MCRS1: variants seen among roughly 807,000 people sequenced by gnomAD.
The protein encoded by MCRS1 is microspherule protein 1.
Under a neutral mutation model 62.9 loss-of-function variants are expected in MCRS1, and 22 were observed. The ratio of observed to expected loss-of-function variants is 0.35; its 90% CI spans 0.25 to 0.50. The LOEUF (loss-of-function observed/expected upper bound fraction) is 0.50, where lower values mean the gene tolerates loss of function less well. Ranked by LOEUF, MCRS1 falls within the 20% of genes least tolerant of loss-of-function variation. The pLI, the probability that MCRS1 is intolerant of heterozygous loss-of-function variation, is 0.98. For missense variants in MCRS1, 456 were observed against 601.1 expected (o/e 0.76, Z 2.52); for synonymous variants, 244 against 233.5 (o/e 1.04, Z -0.41).
chr12:49,566,055 T>A, intron 3 of MCRS1, 22 bp downstream of exon 3: 2 of 1,607,444 alleles, frequency 1.2e-6, no homozygotes, highest in African/African-American at 1.3e-5. Context: ...TCCCAGTTCC[T>A]GGCCCTCCGA....
chr12:49,565,608 G>A lies in MCRS1; in HGVS notation c.209C>T (p.Ser70Phe), dbSNP rs372270784. Reference sequence around the variant, plus strand: ...CCCACTGGCCCCCTTTGCCCGGGTAGAAGATTTTGCCAGGCTGCTCTCCAC... The same window carrying A: ...CCCACTGGCCCCCTTTGCCCGGGTAAAAGATTTTGCCAGGCTGCTCTCCAC... The part of the protein sequence containing the change: ...ELVESSLAKS[S>F]TRAKGASGVE... Residue 70 changes from serine (S) to phenylalanine (F), a missense_variant, in exon 4 of 15, where the codon TCT becomes TTT. Ser to Phe is a radical substitution (Grantham distance 155, BLOSUM62 -2). Around this residue, in one of 3 missense-constraint regions of MCRS1, gnomAD observed 393 missense variants for 523.5 expected, o/e 0.75. Transcript: ENST00000343810. 3 of 1,613,812 alleles carry A rather than the reference G, an allele frequency of 1.9e-6. No individual in the cohort carries two copies. Among genetic ancestry groups the A allele is most frequent in the Middle Eastern group, 1.6e-4 (1 of 6,080 alleles).
rs1200969616 is a variant in MCRS1, at chr12:49,564,808, G to C, written c.376C>G (p.Leu126Val). The C allele has an allele frequency of 1.9e-6, 3 of 1,614,026 alleles. No homozygotes were observed. Among genetic ancestry groups the C allele is most frequent in the Non-Finnish European group, 2.5e-6 (3 of 1,180,014 alleles). Residue 126 changes from leucine (L) to valine (V), a missense_variant, in exon 5 of 15, where the codon CTT (leucine) becomes GTT (valine). Leu to Val is a conservative substitution (Grantham distance 32). This residue lies in a region of MCRS1 where 393 missense variants were observed against 523.5 expected (regional missense o/e 0.75). Transcript: ENST00000343810. ...CGGCCCAGATCCTTGGTCACCTGAA[G>C]TGGCTGTTTACTCTTCTTCACACGC... ...TKRVKKSKQP[L>V]QVTKDLGRWK...
rs748065171 is a variant in MCRS1 at position 49,558,836 on chromosome 12, A to G, written c.1302+7T>C. 8.7e-6 allele frequency: 14 copies of G among 1,613,166 alleles called. No individual in the cohort carries two copies. The highest frequency in any genetic ancestry group is 1.0e-5 in the Non-Finnish European group (12 of 1,180,016). On this transcript the variant is annotated splice_region_variant and intron_variant, in intron 14 of 14. Transcript: ENST00000343810. ...ATCCTGGCCTTCCTGCCTCCTCCCCAGCTCACCTCCACCACAGAGTTGTTG... is the reference window on the plus strand; with the variant it reads ...ATCCTGGCCTTCCTGCCTCCTCCCCGGCTCACCTCCACCACAGAGTTGTTG...
intron 8 of MCRS1, among the ~76,000 whole-genome samples, chr12:49,560,883 C>T (rs1938730994): frequency 1.3e-5 from 2 of 152,334 alleles, no homozygotes; most frequent in East Asian, 1.9e-4. Flanking sequence ...AAAGTACGTG[C>T]TGGTGGGCGC....
At chr12:49,561,089 A>G (rs1403750440) in intron 8 of MCRS1, among the ~76,000 whole-genome samples, 3 of 152,196 alleles carry the variant, frequency 2.0e-5, no homozygotes, top group Non-Finnish European at 2.9e-5. Context: ...AGTCGGGAAC[A>G]GTGGTGTGTG....
chr12:49,566,031 G>A, intron 3 of MCRS1, 46 bp downstream of exon 3: 1 of 1,586,924 alleles, frequency 6.3e-7, no homozygotes, highest in East Asian at 2.2e-5. Flanking sequence ...TAACGCCACA[G>A]ACCTTCTACC....
Position 49,563,113 on chromosome 12 carries a change from G to C in MCRS1, c.693C>G (p.Phe231Leu). Reference sequence around the variant, plus strand: ...CAGGGTGTCTGTGCAGCAGGTCCTGGAAGGTCTCCAAGGTGGGCTGGCTGG... The same window carrying C: ...CAGGGTGTCTGTGCAGCAGGTCCTGCAAGGTCTCCAAGGTGGGCTGGCTGG... ...GSTSQPTLET[F>L]QDLLHRHPDA... Residue 231 changes from phenylalanine (F) to leucine (L), a missense_variant, in exon 8 of 15, where the codon TTC becomes TTG. By Grantham distance (22) the Phe-to-Leu change is conservative (BLOSUM62 0). Transcript: ENST00000343810. 1 of 1,564,072 alleles carries C rather than the reference G, an allele frequency of 6.4e-7. No individual in the cohort carries two copies. The highest frequency in any genetic ancestry group is 1.9e-5 in the Admixed American group (1 of 52,948).
chr12:49,563,058 C>T lies in MCRS1; in HGVS notation c.748G>A (p.Ala250Thr). The T allele has an allele frequency of 6.3e-7, 1 of 1,583,320 alleles. No homozygotes were observed. Among genetic ancestry groups the T allele is most frequent in the South Asian group, 1.1e-5 (1 of 87,242 alleles). The change falls in exon 8 of 15, where the codon GCC (alanine) becomes ACC (threonine). Residue 250 changes from alanine (A) to threonine (T), a missense_variant. Ala to Thr is a moderately conservative substitution (Grantham distance 58). Around this residue, in one of 3 missense-constraint regions of MCRS1, gnomAD observed 393 missense variants for 523.5 expected, o/e 0.75. Coordinates refer to ENST00000343810, the MANE Select transcript of MCRS1 (RefSeq NM_006337.5). ...ATGAGCTGCCAGTGGGCCTGCAGGG[C>T]CTTCGCGGTACGGGCCAGGTAGAAG... ...DAFYLARTAK[A>T]LQAHWQLMKQ...
At chr12:49,565,123 T>C (rs1488446156) in intron 4 of MCRS1, 1 of 985,314 alleles carries the variant, frequency 1.0e-6, no homozygotes, top group Non-Finnish European at 1.2e-6. Flanking sequence ...GTCTTCTCTT[T>C]GCTGGCAGTA....
At chr12:49,566,684 G>T in intron 2 of MCRS1, 38 bp downstream of exon 2, 4 of 1,613,482 alleles carry the variant, frequency 2.5e-6, no homozygotes, top group Non-Finnish European at 3.4e-6. Flanking sequence ...GATGCTTGGC[G>T]CCCGAGCATT....
At chr12:49,560,623 A>G (rs1938716146) in intron 8 of MCRS1, among the ~76,000 whole-genome samples, 1 of 152,232 alleles carries the variant, frequency 6.6e-6, no homozygotes, top group African/African-American at 2.4e-5. Flanking sequence ...TTGGTGTGCA[A>G]AGGGCTTTGA....
At chr12:49,563,211 C>T (rs1938867791) in intron 7 of MCRS1, 72 bp from the exon 8 acceptor site, 1 of 1,532,676 alleles carries the variant, frequency 6.5e-7, no homozygotes, top group Admixed American at 2.0e-5. Context: ...CCATCTCTAC[C>T]TCCCACCTCA....
intron 5 of MCRS1, 35 bp from the exon 6 acceptor site, chr12:49,564,625 G>C (rs369275662): frequency 1.2e-6 from 2 of 1,609,118 alleles, no homozygotes; most frequent in African/African-American, 2.7e-5. Context: ...TCCAGCCTTG[G>C]AGCTGGGAAC....
intron 5 of MCRS1, 42 bp from the exon 6 acceptor site, chr12:49,564,632 G>A (rs1784734384): frequency 1.9e-6 from 3 of 1,608,200 alleles, no homozygotes; most frequent in African/African-American, 1.3e-5. Context: ...TTGGAGCTGG[G>A]AACAACCCTT....
Position 49,566,058 on chromosome 12 carries a change from C to T in MCRS1, c.149+19G>A, listed in dbSNP as rs777992710. ...CCTTCTACCCTTTCCCAGTTCCTGG[C>T]CCTCCGAACCCTTACTACCTGGAGG... On this transcript the variant is annotated intron_variant, in intron 3 of 14. Transcript: ENST00000343810. 6 of 1,607,282 alleles carry T rather than the reference C, an allele frequency of 3.7e-6. No individual in the cohort carries two copies. The South Asian group carries it at 6.6e-5, about 18-fold the overall frequency.
At chr12:49,560,895 G>T (rs941933378) in intron 8 of MCRS1, among the ~76,000 whole-genome samples, 9 of 152,122 alleles carry the variant, frequency 5.9e-5, no homozygotes, top group African/African-American at 2.2e-4. Context: ...GGTGGGCGCC[G>T]CCCACCTTAA....
At chr12:49,562,058 G>C (rs1013787311) in intron 8 of MCRS1, among the ~76,000 whole-genome samples, 1 of 152,212 alleles carries the variant, frequency 6.6e-6, no homozygotes, top group African/African-American at 2.4e-5. Context: ...CAGGAATAAA[G>C]AGGGCTGCCC....
Position 49,563,538 on chromosome 12 carries a change from C to A in MCRS1, c.566G>T (p.Cys189Phe), listed in dbSNP as rs759247641. The change falls in exon 7 of 15, where the codon TGT (cysteine) becomes TTT (phenylalanine). Residue 189 changes from cysteine to phenylalanine, a missense_variant. Physicochemically the swap from Cys to Phe is radical, Grantham distance 205. Around this residue, in one of 3 missense-constraint regions of MCRS1, gnomAD observed 393 missense variants for 523.5 expected, o/e 0.75. Coordinates refer to ENST00000343810, the MANE Select transcript of MCRS1 (RefSeq NM_006337.5). ...TGGGTGCAGCTGCCTCATGGCCTGACAGGCCAACCTGGACACGGAAAGAGA... is the reference window on the plus strand; with the variant it reads ...TGGGTGCAGCTGCCTCATGGCCTGAAAGGCCAACCTGGACACGGAAAGAGA... The part of the protein sequence containing the change: ...LYDPVISKLA[C>F]QAMRQLHPEA... 6.2e-7 allele frequency: 1 copy of A among 1,609,532 alleles called. No individual in the cohort carries two copies. The highest frequency in any genetic ancestry group is 1.3e-5 in the African/African-American group (1 of 74,926).
At chr12:49,558,804 A>G (rs1938591396) in intron 14 of MCRS1, 39 bp downstream of exon 14, 2 of 1,613,426 alleles carry the variant, frequency 1.2e-6, no homozygotes, top group Non-Finnish European at 1.7e-6. Flanking sequence ...CACCACGCCT[A>G]GGTCTCATCC....
Sources: allele counts gnomAD v4.1 joint callset (sites outside exome capture counted in the v4.1 genomes callset), GRCh38; gene constraint gnomAD v4.1.1; regional missense constraint gnomAD v4.1.1; transcripts MANE v1.5; gene names NCBI Gene and HGNC (gene_info 2026-07-23, HGNC 2026-07-21).